Variants in MICU1 observed in about 807,000 individuals in gnomAD.
The protein encoded by MICU1 is mitochondrial calcium uptake 1, also known as calcium uptake protein 1, mitochondrial.
In MICU1, 45 loss-of-function variants were observed where a neutral mutation model predicts 56.8. The observed-to-expected ratio is 0.79, with a 90% CI of 0.62 to 1.02. The LOEUF is 1.02. MICU1 is among the 50% of genes least tolerant of loss of function. MICU1 has a pLI of 0.00. For synonymous variants in MICU1, 186 were observed against 195.1 expected, an observed-to-expected ratio of 0.95 and a Z score of 0.39; for missense variants, 504 against 587.1, an observed-to-expected ratio of 0.86 and a Z score of 1.46.
intron 1 of MICU1, 38 bp from the exon 2 acceptor site, chr10:72,566,832 G>T: frequency 6.5e-7 from 1 of 1,542,964 alleles, no homozygotes; most frequent in Non-Finnish European, 8.8e-7. Context: ...CTTAGCTAGT[G>T]GTAGTTATGA....
intron 1 of MICU1, among the ~76,000 whole-genome samples, chr10:72,622,002 C>T (rs1842115267): frequency 6.6e-6 from 1 of 152,162 alleles, no homozygotes; most frequent in Non-Finnish European, 1.5e-5. Flanking sequence ...CAAGCTCTGC[C>T]TCCCAGGTTC....
At chr10:72,473,828 A>C (rs924668881) in intron 8 of MICU1, among the ~76,000 whole-genome samples, 4 of 152,248 alleles carry the variant, frequency 2.6e-5, no homozygotes, top group Non-Finnish European at 4.4e-5. Context: ...TTGGGGAAAC[A>C]GGGAAAGCAG....
At chr10:72,533,130 C>A in intron 5 of MICU1, 1 of 1,289,714 alleles carries the variant, frequency 7.8e-7, no homozygotes, top group Non-Finnish European at 1.0e-6. Context: ...TCTTTCTGAC[C>A]CTGTGTAATA....
chr10:72,508,763 T>C (rs1462141681), intron 5 of MICU1: 2 of 152,576 alleles, frequency 1.3e-5, no homozygotes, highest in Non-Finnish European at 2.9e-5. Flanking sequence ...GAAAAACTAA[T>C]TTTACTTGAT....
Position 72,562,066 on chromosome 10 carries a change from A to C in MICU1, c.330+829T>G, listed in dbSNP as rs529373814. Among the ~76,000 whole-genome samples the C allele has an allele frequency of 2.0e-5, 3 of 151,872 alleles. No homozygotes were observed. In the South Asian group the frequency reaches 6.3e-4, roughly 32 times the overall value. ...TGTTTGCTGAACTCAAATACCTGAT[A>C]TCATAGGAACTGCTGTAGTGGAACT... On this transcript the variant is annotated intron_variant, in intron 3 of 11. Transcript: ENST00000361114.
intron 8 of MICU1, among the ~76,000 whole-genome samples, chr10:72,427,733 A>AATAAATATATATATATAT (rs1241632825): frequency 1.1e-4 from 15 of 136,328 alleles, no homozygotes; most frequent in African/African-American, 3.3e-4. Context: ...CCATCTCTAA[A>AATAAATATATATATATAT]ATATATATAT....
chr10:72,565,618 A>T (rs1229701855), intron 2 of MICU1, among the ~76,000 whole-genome samples: 1 of 143,270 alleles, frequency 7.0e-6, no homozygotes, highest in Non-Finnish European at 1.5e-5. Context: ...GTGCACATGT[A>T]CCCTAAAACT....
At chr10:72,534,991 C>T (rs974286043) in intron 4 of MICU1, among the ~76,000 whole-genome samples, 2 of 63,972 alleles carry the variant, frequency 3.1e-5, no homozygotes, top group African/African-American at 1.1e-4. Flanking sequence ...CTTTGATTGC[C>T]TATCTCCCTC....
chr10:72,424,112 T>TCCC (rs966196424), intron 8 of MICU1, among the ~76,000 whole-genome samples: 32 of 109,926 alleles, frequency 2.9e-4, no homozygotes, highest in African/African-American at 7.2e-4. Context: ...AGTGACCATT[T>TCCC]CCCCCCCACC....
chr10:72,421,073 G>C lies in MICU1; in HGVS notation c.1071+2161C>G, dbSNP rs373674948. Among the ~76,000 whole-genome samples, 4 of 149,678 alleles carry C rather than the reference G, an allele frequency of 2.7e-5. No homozygotes were observed. In the East Asian group the frequency reaches 7.8e-4, roughly 29 times the overall value. On this transcript the variant is annotated intron_variant, in intron 9 of 11. Transcript: ENST00000361114. ...AAAGAAAAATAAAAAGAAAAGACAC[G>C]TCTTACATTGCGGCAAGTCTTGAAC...
chr10:72,534,884 G>T (rs1006409833), intron 4 of MICU1, among the ~76,000 whole-genome samples: 1 of 151,830 alleles, frequency 6.6e-6, no homozygotes, highest in African/African-American at 2.4e-5. Flanking sequence ...CAACCTGACA[G>T]ATATTTAAGA....
chr10:72,533,080 AGT>A, intron 5 of MICU1: 5 of 1,289,752 alleles, frequency 3.9e-6, no homozygotes, highest in Non-Finnish European at 5.1e-6. Context: ...TTCTTTCTGA[AGT>A]GCTTTCTTCC....
chr10:72,485,003 A>C (rs1013846295), intron 6 of MICU1, among the ~76,000 whole-genome samples: 1 of 152,166 alleles, frequency 6.6e-6, no homozygotes, highest in Non-Finnish European at 1.5e-5. Context: ...GGCAGAATTG[A>C]GTAGTTGTGA....
intron 1 of MICU1, among the ~76,000 whole-genome samples, chr10:72,609,408 G>C (rs1420463159): frequency 6.6e-6 from 1 of 152,178 alleles, no homozygotes; most frequent in Non-Finnish European, 1.5e-5. Flanking sequence ...GGGAGGCCAA[G>C]GTGGGAAGGA....
intron 1 of MICU1, among the ~76,000 whole-genome samples, chr10:72,586,405 C>A (rs1051748486): frequency 1.3e-5 from 2 of 152,060 alleles, no homozygotes; most frequent in African/African-American, 4.8e-5. Context: ...AATTCCAGCA[C>A]TTTGGGAGGC....
chr10:72,578,060 C>G (rs1840795307), intron 1 of MICU1, among the ~76,000 whole-genome samples: 1 of 152,128 alleles, frequency 6.6e-6, no homozygotes, highest in Non-Finnish European at 1.5e-5. Flanking sequence ...TCCTATGTTA[C>G]AGAGAAATCT....
chr10:72,538,466 T>C (rs1839688807), intron 4 of MICU1, among the ~76,000 whole-genome samples: 1 of 152,132 alleles, frequency 6.6e-6, no homozygotes, highest in African/African-American at 2.4e-5. Context: ...TAAAACACTT[T>C]AAAGTGTAGA....
intron 8 of MICU1, among the ~76,000 whole-genome samples, chr10:72,464,295 CAAAAAAAAAAAAAA>C (rs58499998): frequency 6.0e-5 from 6 of 100,014 alleles, no homozygotes; most frequent in Admixed American, 1.1e-4. Context: ...GATTCTGTCT[CAAAAAAAAAAAAAA>C]AAAAAAAAAA....
At chr10:72,609,102 A>C (rs543122242) in intron 1 of MICU1, among the ~76,000 whole-genome samples, 1 of 152,348 alleles carries the variant, frequency 6.6e-6, no homozygotes, top group African/African-American at 2.4e-5. Flanking sequence ...ATATGCTACA[A>C]TATGGATAGA....
Sources: allele counts gnomAD v4.1 joint callset (sites outside exome capture counted in the v4.1 genomes callset), GRCh38; gene constraint gnomAD v4.1.1; transcripts MANE v1.5; gene names NCBI Gene and HGNC (gene_info 2026-07-23, HGNC 2026-07-21).